Variants in CHIC2 observed in about 807,000 individuals in gnomAD.
CHIC2 encodes the protein cysteine-rich hydrophobic domain-containing protein 2.
A neutral mutation model predicts 25.9 loss-of-function variants in CHIC2; 14 were observed. The ratio of observed to expected loss-of-function variants is 0.54; its 90% CI spans 0.36 to 0.85. CHIC2 has a LOEUF of 0.85. Ranked by LOEUF, CHIC2 falls within the 40% of genes least tolerant of loss-of-function variation. The pLI, the probability that CHIC2 is intolerant of heterozygous loss-of-function variation, is 0.01. For missense variants in CHIC2, 146 were observed against 202.0 expected (o/e 0.72, Z 1.68); for synonymous variants, 70 against 72.0 (o/e 0.97, Z 0.14).
intron 3 of CHIC2, among the ~76,000 whole-genome samples, chr4:54,038,912 T>A (rs963746651): frequency 6.6e-6 from 1 of 151,930 alleles, no homozygotes; most frequent in Admixed American, 6.6e-5. Context: ...TGATATTTAA[T>A]CAAGATAGAC....
intron 3 of CHIC2, among the ~76,000 whole-genome samples, chr4:54,022,164 T>C (rs1444922226): frequency 6.6e-6 from 1 of 152,142 alleles, no homozygotes; most frequent in Non-Finnish European, 1.5e-5. Flanking sequence ...TACAGGACCC[T>C]ACTGGATATC....
intron 1 of CHIC2, among the ~76,000 whole-genome samples, chr4:54,057,868 A>G (rs1253370219): frequency 6.6e-6 from 1 of 152,224 alleles, no homozygotes; most frequent in Non-Finnish European, 1.5e-5. Flanking sequence ...CTCTTACTTT[A>G]TATGCAGTTC....
At chr4:54,071,161 C>T in the CHIC2 span, among the ~76,000 whole-genome samples, 4 of 152,124 alleles carry the variant, frequency 2.6e-5, no homozygotes, top group African/African-American at 9.7e-5. Context: ...AGAGCAGAAC[C>T]AATTATGCTT....
At chr4:54,025,732 C>A (rs1446458131) in intron 3 of CHIC2, among the ~76,000 whole-genome samples, 3 of 151,754 alleles carry the variant, frequency 2.0e-5, no homozygotes, top group African/African-American at 7.3e-5. Context: ...GATGGTGCTG[C>A]ACACATGTGG....
At chr4:54,078,791 A>G in the CHIC2 span, among the ~76,000 whole-genome samples, 1 of 152,084 alleles carries the variant, frequency 6.6e-6, no homozygotes, top group Non-Finnish European at 1.5e-5. Flanking sequence ...CTGGGATTAC[A>G]TAAGTGAGCC....
intron 1 of CHIC2, among the ~76,000 whole-genome samples, chr4:54,062,327 G>C (rs1283174407): frequency 6.8e-6 from 1 of 146,332 alleles, no homozygotes; most frequent in Non-Finnish European, 1.5e-5. Flanking sequence ...TCACCTGTGA[G>C]ATTTTATTTA....
intron 3 of CHIC2, 109 bp from the exon 4 acceptor site, chr4:54,014,228 T>C (rs1257366393): frequency 6.3e-6 from 5 of 795,420 alleles, no homozygotes; most frequent in African/African-American, 1.7e-5. Context: ...TGACTGAGTA[T>C]AGTGTGGTGT....
intron 3 of CHIC2, among the ~76,000 whole-genome samples, chr4:54,039,231 C>T (rs923715655): frequency 6.6e-6 from 1 of 151,812 alleles, no homozygotes; most frequent in African/African-American, 2.4e-5. Flanking sequence ...TTTTTTAAAG[C>T]GATGAATTCA....
chr4:54,077,990 T>C, the CHIC2 span, among the ~76,000 whole-genome samples: 1 of 152,224 alleles, frequency 6.6e-6, no homozygotes, highest in East Asian at 1.9e-4. Context: ...TTAGATGCTT[T>C]AGGAATGATG....
intron 3 of CHIC2, 99 bp downstream of exon 3, chr4:54,048,856 G>A: frequency 1.0e-6 from 1 of 972,422 alleles, no homozygotes; most frequent in South Asian, 2.3e-5. Flanking sequence ...TTTTATTCAG[G>A]ATAGTGTGAT....
intron 3 of CHIC2, among the ~76,000 whole-genome samples, chr4:54,018,630 G>A (rs144640621): frequency 4.6e-5 from 7 of 152,038 alleles, no homozygotes; most frequent in African/African-American, 7.2e-5. Context: ...TTAGAGTATT[G>A]AGAGCTAAAG....
the CHIC2 span, among the ~76,000 whole-genome samples, chr4:54,086,311 G>C: frequency 6.6e-6 from 1 of 152,048 alleles, no homozygotes; most frequent in Non-Finnish European, 1.5e-5. Context: ...GACAGATGAT[G>C]ATAGTAATAA....
At chr4:54,080,942 G>A in the CHIC2 span, among the ~76,000 whole-genome samples, 3 of 101,126 alleles carry the variant, frequency 3.0e-5, no homozygotes, top group Middle Eastern at 6.8e-3. Flanking sequence ...ATGTGTGTGT[G>A]TATATATATA....
the CHIC2 span, among the ~76,000 whole-genome samples, chr4:54,086,126 CT>C: frequency 6.6e-6 from 1 of 151,904 alleles, no homozygotes; most frequent in Non-Finnish European, 1.5e-5. Context: ...AGCATCTCCT[CT>C]GCCAGGTTCT....
intron 1 of CHIC2, among the ~76,000 whole-genome samples, chr4:54,058,536 TCACATACA>T (rs1456795699): frequency 1.8e-5 from 2 of 113,332 alleles, no homozygotes; most frequent in Admixed American, 8.9e-5. Flanking sequence ...GGGTCAAAAG[TCACATACA>T]CACATACACA....
upstream of CHIC2, chr4:54,064,700 C>G: frequency 1.0e-6 from 1 of 996,050 alleles, no homozygotes; most frequent in Non-Finnish European, 1.2e-6. The surrounding 1 kb of genome is among the most constrained non-coding windows in gnomAD (Gnocchi z 4.2). Flanking sequence ...TGCGTGGGCG[C>G]GTGGGCGAGC....
chr4:54,044,897 G>A (rs1213504692), intron 3 of CHIC2, among the ~76,000 whole-genome samples: 6 of 149,212 alleles, frequency 4.0e-5, no homozygotes, highest in South Asian at 2.1e-4. Context: ...TTGATAGACC[G>A]CTAGCAAGAC....
At chr4:54,060,552 T>C (rs1717300207) in intron 1 of CHIC2, 2 of 152,120 alleles carry the variant, frequency 1.3e-5, no homozygotes, top group Admixed American at 1.3e-4. Context: ...TGGGAGCAAA[T>C]AATGTCTGTT....
intron 3 of CHIC2, among the ~76,000 whole-genome samples, chr4:54,021,663 C>G (rs1715902969): frequency 6.6e-6 from 1 of 152,042 alleles, no homozygotes; most frequent in Non-Finnish European, 1.5e-5. Context: ...TTTATCCGAC[C>G]TCTCCCAAAT....
Sources: allele counts gnomAD v4.1 joint callset (sites outside exome capture counted in the v4.1 genomes callset), GRCh38; gene constraint gnomAD v4.1.1; non-coding constraint Gnocchi (gnomAD v3.1); transcripts MANE v1.5; gene names NCBI Gene and HGNC (gene_info 2026-07-23, HGNC 2026-07-21).